Variants in SMPDL3B observed in about 807,000 individuals in gnomAD.
SMPDL3B encodes sphingomyelin phosphodiesterase acid like 3B.
In SMPDL3B, 31 loss-of-function variants were observed where a neutral mutation model predicts 37.9. The observed-to-expected ratio is 0.82, with a 90% CI of 0.61 to 1.10. The LOEUF (loss-of-function observed/expected upper bound fraction) is 1.10. Ranked by LOEUF, SMPDL3B falls within the 50% of genes least tolerant of loss-of-function variation. The probability of loss-of-function intolerance (pLI) is 0.00; values close to 1 mark genes in which losing one functional copy is unlikely to be tolerated. For missense variants in SMPDL3B, 525 were observed against 597.8 expected, an observed-to-expected ratio of 0.88 and a Z score of 1.27; for synonymous variants, 235 against 242.6, an observed-to-expected ratio of 0.97 and a Z score of 0.29.
At chr1:27,957,368 T>TA (rs1638319874) in intron 7 of SMPDL3B, among the ~76,000 whole-genome samples, 1 of 152,078 alleles carries the variant, frequency 6.6e-6, no homozygotes, top group Non-Finnish European at 1.5e-5. Context: ...CTTCCAAGGC[T>TA]CTTGGCCTGT....
intron 7 of SMPDL3B, chr1:27,956,364 A>ATAGT: frequency 7.6e-7 from 1 of 1,321,402 alleles, no homozygotes; most frequent in Non-Finnish European, 1.0e-6. Context: ...TCCGCTACAC[A>ATAGT]AGAGAGAAGA....
Position 27,945,570 on chromosome 1 carries a change from C to A in SMPDL3B, c.275+125C>A. 1.3e-6 allele frequency: 1 copy of A among 794,374 alleles called. No individual in the cohort carries two copies. Among genetic ancestry groups the A allele is most frequent in the Non-Finnish European group, 2.1e-6 (1 of 480,918 alleles). The allele number at this position is 794,374 out of a possible 1,614,324, so 49.2% of individuals were successfully genotyped here. The stretch of plus-strand genomic sequence containing the variant: ...ATCAGTCTCACGTGAGGCTGAGGAA[C>A]CTAAAGCTCAAAGGAATTTTGTAAC... On this transcript the variant is annotated intron_variant, in intron 2 of 7. Transcript: ENST00000373894. This position sits in a 1 kb window ranked among gnomAD's most constrained non-coding sequence, Gnocchi z 4.0.
At chr1:27,944,012 C>CA (rs5773206) in intron 1 of SMPDL3B, among the ~76,000 whole-genome samples, 1,785 of 92,240 alleles carry the variant, frequency 0.019, 28 homozygotes, top group African/African-American at 0.041. Context: ...AACTCTGTCT[C>CA]AAAAAAAAAA....
intron 3 of SMPDL3B, among the ~76,000 whole-genome samples, chr1:27,950,989 C>T (rs1423044158): frequency 6.6e-6 from 1 of 152,152 alleles, no homozygotes; most frequent in South Asian, 2.1e-4. Context: ...GTCTTGAACT[C>T]CTGGGCTCAA....
rs777869126 is a variant in SMPDL3B at position 27,958,201 on chromosome 1, T to C, written c.1006-275T>C. On this transcript the variant is annotated intron_variant, in intron 7 of 7. Coordinates refer to ENST00000373894, the MANE Select transcript of SMPDL3B (RefSeq NM_014474.4). This position sits in a 1 kb window ranked among gnomAD's most constrained non-coding sequence, Gnocchi z 5.6. ...ACCTGGGGTCCAATCCTGCTACCAC[T>C]GAATACCTGTATGAATACCTGTATG... Among the ~76,000 whole-genome samples the C allele has an allele frequency of 2.6e-5, 4 of 152,210 alleles. No individual in the cohort carries two copies. Among genetic ancestry groups the C allele is most frequent in the Admixed American group, 6.5e-5 (1 of 15,284 alleles).
At chr1:27,956,760 G>A (rs4644519) in intron 7 of SMPDL3B, among the ~76,000 whole-genome samples, 35,983 of 152,038 alleles carry the variant, frequency 0.24, 4,379 homozygotes, top group Non-Finnish European at 0.25. Context: ...TAAATATGTA[G>A]AATTAATTAT....
At position 27,955,767 on chromosome 1, in the gene SMPDL3B, A is replaced by T. The variant is rs761414540; in HGVS notation, c.774A>T (p.Lys258Asn). The T allele has an allele frequency of 6.2e-7, 1 of 1,614,116 alleles. No individual in the cohort carries two copies. Among genetic ancestry groups the T allele is most frequent in the Non-Finnish European group, 8.5e-7 (1 of 1,180,032 alleles). Residue 258 changes from lysine to asparagine, a missense_variant, in exon 6 of 8, where the codon AAA becomes AAT. Transcript: ENST00000373894. ...KAWFREGFNE[K>N]YLKVVRKHHR... ...GGTTCCGGGAGGGCTTCAATGAAAAATACCTGAAGGTGGTCCGGAAGCATC... is the reference window on the plus strand; with the variant it reads ...GGTTCCGGGAGGGCTTCAATGAAAATTACCTGAAGGTGGTCCGGAAGCATC...
At chr1:27,953,399 T>C (rs778915569) in intron 4 of SMPDL3B, 41 bp downstream of exon 4, 13 of 1,543,228 alleles carry the variant, frequency 8.4e-6, no homozygotes, top group Non-Finnish European at 1.1e-5. Context: ...ACTTACTGTA[T>C]GCCAGGGTCT....
At chr1:27,955,486 C>A (rs972660914) in intron 5 of SMPDL3B, among the ~76,000 whole-genome samples, 198 bp from the exon 6 acceptor site, 1 of 152,066 alleles carries the variant, frequency 6.6e-6, no homozygotes. Flanking sequence ...GTGGCAGGCA[C>A]AGAGGTGGGA....
Position 27,953,304 on chromosome 1 carries a change from G to A in SMPDL3B, c.463G>A (p.Ala155Thr), listed in dbSNP as rs887273670. 1.2e-6 allele frequency: 2 copies of A among 1,613,886 alleles called. No homozygotes were observed. Among genetic ancestry groups the A allele is most frequent in the Non-Finnish European group, 1.7e-6 (2 of 1,179,818 alleles). Residue 155 changes from alanine to threonine, a missense_variant, in exon 4 of 8, where the codon GCA becomes ACA. Ala to Thr is a moderately conservative substitution (Grantham distance 58, BLOSUM62 0). Coordinates refer to ENST00000373894, the MANE Select transcript of SMPDL3B (RefSeq NM_014474.4). ...AAGTAACAACATCTACAATCAGATA[G>A]CAGAACTATGGAAACCCTGGCTTAG... ...AGSNNIYNQI[A>T]ELWKPWLSNE...
Position 27,955,747 on chromosome 1 carries a change from C to T in SMPDL3B, c.754C>T (p.Arg252Trp), listed in dbSNP as rs144852835. Residue 252 changes from arginine to tryptophan, a missense_variant, in exon 6 of 8, where the codon CGG (arginine) becomes TGG (tryptophan). By Grantham distance (101) the Arg-to-Trp change is moderately radical (BLOSUM62 -3). Coordinates refer to ENST00000373894, the MANE Select transcript of SMPDL3B (RefSeq NM_014474.4). ...GAAGACGCAAAACAAGGCATGGTTC[C>T]GGGAGGGCTTCAATGAAAAATACCT... ...FEKTQNKAWF[R>W]EGFNEKYLKV... 5.5e-5 allele frequency: 89 copies of T among 1,613,990 alleles called. No homozygotes were observed. The highest frequency in any genetic ancestry group is 1.5e-4 in the African/African-American group (11 of 74,900).
At chr1:27,937,222 C>T (rs759315602) in intron 1 of SMPDL3B, among the ~76,000 whole-genome samples, 9 of 152,214 alleles carry the variant, frequency 5.9e-5, no homozygotes, top group Non-Finnish European at 1.3e-4. Context: ...TGCCAACTTG[C>T]TGGCTCCTTC....
rs748138388 is a variant in SMPDL3B at position 27,955,787 on chromosome 1, A to T, written c.794A>T (p.Lys265Met). Residue 265 changes from lysine to methionine, a missense_variant, in exon 6 of 8, where the codon AAG (lysine) becomes ATG (methionine). Transcript: ENST00000373894. ...GAAAAATACCTGAAGGTGGTCCGGA[A>T]GCATCATCGCGTCATAGCAGGGCAG... ...FNEKYLKVVRKHHRVIAGQFF... is the reference protein window; with the variant it reads ...FNEKYLKVVRMHHRVIAGQFF... 6 of 1,614,042 alleles carry T rather than the reference A, an allele frequency of 3.7e-6. No individual in the cohort carries two copies. The highest frequency in any genetic ancestry group is 1.7e-5 in the Admixed American group (1 of 60,000).
chr1:27,935,492 G>C (rs576883664), intron 1 of SMPDL3B, among the ~76,000 whole-genome samples: 1 of 152,272 alleles, frequency 6.6e-6, no homozygotes, highest in Non-Finnish European at 1.5e-5. Context: ...GTGAGAGCTA[G>C]CTAATTAGTA....
chr1:27,943,967 T>C (rs1178670141), intron 1 of SMPDL3B, among the ~76,000 whole-genome samples: 1 of 147,756 alleles, frequency 6.8e-6, no homozygotes, highest in Non-Finnish European at 1.5e-5. Context: ...TGAGCCGAGA[T>C]TGCACCATTG....
chr1:27,938,091 C>T (rs192866760), intron 1 of SMPDL3B, among the ~76,000 whole-genome samples: 64 of 152,318 alleles, frequency 4.2e-4, no homozygotes, highest in Non-Finnish European at 3.4e-4. Flanking sequence ...CTACTCTCTG[C>T]CTCTGGGGTA....
intron 3 of SMPDL3B, among the ~76,000 whole-genome samples, chr1:27,950,215 C>A (rs971709226): frequency 2.0e-5 from 3 of 152,180 alleles, no homozygotes; most frequent in Non-Finnish European, 2.9e-5. Context: ...TTATCTAACC[C>A]AGCCAACCCA....
At chr1:27,948,804 G>A (rs906760601) in intron 2 of SMPDL3B, among the ~76,000 whole-genome samples, 16 of 152,216 alleles carry the variant, frequency 1.1e-4, no homozygotes, top group Non-Finnish European at 2.1e-4. Context: ...AGTAAGAACT[G>A]TATTATCCCA....
intron 4 of SMPDL3B, 78 bp from the exon 5 acceptor site, chr1:27,954,276 G>A: frequency 7.6e-7 from 1 of 1,315,106 alleles, no homozygotes; most frequent in South Asian, 1.4e-5. Context: ...AAAGAAAGTG[G>A]GACATTGAGG....
Sources: gnomAD v4.1 joint callset for allele counts (sites outside exome capture counted in the v4.1 genomes callset) on GRCh38, gnomAD v4.1.1 for gene constraint, Gnocchi (gnomAD v3.1) non-coding constraint, MANE v1.5 for transcripts, NCBI Gene and HGNC (gene_info 2026-07-23, HGNC 2026-07-21) for gene names.